SLC12A9: variants seen among roughly 807,000 people sequenced by gnomAD.
SLC12A9 encodes the protein solute carrier family 12 member 9, also known as CCC-interacting protein 1.
In SLC12A9, 55 loss-of-function variants were observed where a neutral mutation model predicts 66.0. The observed-to-expected ratio is 0.83, with a 90% CI of 0.67 to 1.04. The LOEUF is 1.04. Ranked by LOEUF, SLC12A9 falls within the 50% of genes least tolerant of loss-of-function variation. The pLI is 0.00. For synonymous variants in SLC12A9, 577 were observed against 569.0 expected (o/e 1.01, Z -0.20); for missense variants, 1,061 against 1,241.9 (o/e 0.85, Z 2.19).
Position 100,855,688 on chromosome 7 carries a change from C to A in SLC12A9, c.317-18C>A. 1 of 1,613,978 alleles carries A rather than the reference C, an allele frequency of 6.2e-7. No individual in the cohort carries two copies. The highest frequency in any genetic ancestry group is 8.5e-7 in the Non-Finnish European group (1 of 1,179,916). ...TTCAGTCTTTTCCCTTAATGCTCAC[C>A]CCTGCTTCCACTTTCAGTCATGATC... On this transcript the variant is annotated intron_variant, in intron 3 of 13. Transcript: ENST00000354161.
rs1049757452 is a variant in SLC12A9, at chr7:100,865,850, A to T, written c.1990A>T (p.Thr664Ser). The change falls in exon 14 of 14, where the codon ACC (threonine) becomes TCC (serine). Residue 664 changes from threonine to serine, a missense_variant. By Grantham distance (58) the Thr-to-Ser change is moderately conservative. Coordinates refer to ENST00000354161, the MANE Select transcript of SLC12A9 (RefSeq NM_020246.4). ...GGAGGGCAGTTCCCCAGCTCTGAGC[A>T]CCCTGTTCCCTCCTCCCCGGGCTCC... ...TREGSSPALSTLFPPPRAPGS... is the reference protein window; with the variant it reads ...TREGSSPALSSLFPPPRAPGS... 1 of 1,613,452 alleles carries T rather than the reference A, an allele frequency of 6.2e-7. No individual in the cohort carries two copies. The highest frequency in any genetic ancestry group is 8.5e-7 in the Non-Finnish European group (1 of 1,179,982).
At chr7:100,829,515 G>A (rs764731060) in intron 1 of SLC12A9, among the ~76,000 whole-genome samples, 3 of 151,938 alleles carry the variant, frequency 2.0e-5, no homozygotes, top group African/African-American at 4.8e-5. Context: ...GCCCGGGTTG[G>A]GGGGGGTGGG....
intron 1 of SLC12A9, among the ~76,000 whole-genome samples, chr7:100,843,969 C>T (rs971336140): frequency 6.6e-6 from 1 of 152,184 alleles, no homozygotes; most frequent in East Asian, 1.9e-4. Flanking sequence ...GAAGCAGCTT[C>T]GCCAGCCCCT....
rs761169314 is a variant in SLC12A9 at position 100,866,105 on chromosome 7, C to T, written c.2245C>T (p.Leu749=). The T allele has an allele frequency of 4.3e-6, 7 of 1,613,026 alleles. No individual in the cohort carries two copies. Among genetic ancestry groups the T allele is most frequent in the Non-Finnish European group, 5.1e-6 (6 of 1,179,862 alleles). The part of the protein sequence containing the change: ...GYVDVCGLFL[L]QMATILGMVP... ...TGTGGATGTCTGCGGCCTCTTCCTGCTGCAGATGGCAACCATCTTGGGCAT... is the reference window on the plus strand; with the variant it reads ...TGTGGATGTCTGCGGCCTCTTCCTGTTGCAGATGGCAACCATCTTGGGCAT... The change falls in exon 14 of 14, where the codon CTG becomes TTG. Residue 749 remains leucine, a synonymous_variant. Transcript: ENST00000354161. This position sits in a 1 kb window ranked among gnomAD's most constrained non-coding sequence, Gnocchi z 7.3.
chr7:100,833,850 G>A (rs1038649101), intron 1 of SLC12A9, among the ~76,000 whole-genome samples: 5 of 149,678 alleles, frequency 3.3e-5, no homozygotes, highest in South Asian at 2.1e-4. Flanking sequence ...GGAGAATGGC[G>A]GGAACCCGGG....
chr7:100,859,316 C>G lies in SLC12A9; in HGVS notation c.977+155C>G, dbSNP rs1584700986. Reference sequence around the variant, plus strand: ...TTGACAACCTATAGCCAGCAGCTGCCATGGACCCAGTACTGTTGCAGGCAC... The same window carrying G: ...TTGACAACCTATAGCCAGCAGCTGCGATGGACCCAGTACTGTTGCAGGCAC... On this transcript the variant is annotated intron_variant, in intron 7 of 13. Coordinates refer to ENST00000354161, the MANE Select transcript of SLC12A9 (RefSeq NM_020246.4). The G allele has an allele frequency of 4.3e-6, 3 of 689,878 alleles. No individual in the cohort carries two copies. In the East Asian group the frequency reaches 7.7e-5, roughly 18 times the overall value. The allele number at this position is 689,878 out of a possible 1,614,324, so 42.7% of individuals were successfully genotyped here. A position where few individuals can be genotyped will look rare whatever the true frequency, so the allele number is the denominator to read the frequency against.
intron 1 of SLC12A9, among the ~76,000 whole-genome samples, chr7:100,833,932 CAAAAAAAAAAAAAAAA>C (rs60667059): frequency 1.1e-4 from 7 of 63,070 alleles, no homozygotes; most frequent in East Asian, 2.6e-4. Context: ...GACTCTGTCT[CAAAAAAAAAAAAAAAA>C]AAAAAAAAAA....
chr7:100,845,239 C>G (rs893750902), intron 1 of SLC12A9, among the ~76,000 whole-genome samples: 2 of 150,578 alleles, frequency 1.3e-5, no homozygotes, highest in Non-Finnish European at 3.0e-5. Flanking sequence ...AGAATCCCAC[C>G]AGGACTGGAC....
At chr7:100,849,052 G>A (rs1467983780), upstream of SLC12A9, among the ~76,000 whole-genome samples, 2 of 150,066 alleles carry the variant, frequency 1.3e-5, no homozygotes, top group African/African-American at 4.9e-5. Context: ...TGAACCTCCC[G>A]AGTAGCTGGA....
intron 1 of SLC12A9, among the ~76,000 whole-genome samples, chr7:100,832,077 C>G (rs1813554369): frequency 2.0e-5 from 3 of 152,216 alleles, no homozygotes; most frequent in South Asian, 2.1e-4. Context: ...ACCTTAAAAA[C>G]TTAGCCAGGC....
At chr7:100,843,063 A>C (rs772023200) in intron 1 of SLC12A9, among the ~76,000 whole-genome samples, 2 of 152,264 alleles carry the variant, frequency 1.3e-5, no homozygotes, top group African/African-American at 4.8e-5. Flanking sequence ...CTTATTAATC[A>C]GTCAGCCCTT....
chr7:100,849,516 G>A (rs1273582550), upstream of SLC12A9, among the ~76,000 whole-genome samples: 1 of 151,852 alleles, frequency 6.6e-6, no homozygotes, highest in Admixed American at 6.6e-5. Context: ...AGCAGTTTGA[G>A]ACCAGCCTGG....
In SLC12A9 at chr7:100,855,719, C is replaced by T; in HGVS notation, c.330C>T (p.Arg110=). The change falls in exon 4 of 14, where the codon CGC becomes CGT. Residue 110 remains arginine (R), a synonymous_variant. Transcript: ENST00000354161. Reference sequence around the variant, plus strand: ...TTCCACTTTCAGTCATGATCAGCCGCACACTGGGGCCCGAGGTCGGGGGCA... The same window carrying T: ...TTCCACTTTCAGTCATGATCAGCCGTACACTGGGGCCCGAGGTCGGGGGCA... ...QGGGAYFMIS[R]TLGPEVGGSI... The T allele has an allele frequency of 6.2e-7, 1 of 1,614,156 alleles. No individual in the cohort carries two copies. The highest frequency in any genetic ancestry group is 8.5e-7 in the Non-Finnish European group (1 of 1,180,002).
chr7:100,859,749 C>A (rs1021849949), intron 7 of SLC12A9, 136 bp from the exon 8 acceptor site: 7 of 1,101,352 alleles, frequency 6.4e-6, no homozygotes, highest in Non-Finnish European at 2.6e-6. Flanking sequence ...GTGATTAAAT[C>A]CAAGGCTGCC....
At position 100,854,635 on chromosome 7, in the gene SLC12A9, A is replaced by G; in HGVS notation, c.197A>G (p.His66Arg). The stretch of plus-strand genomic sequence containing the variant: ...CCTGCCTCAGGGTTCGTGGTGGGTC[A>G]TGCTGGGCTACTGCAGGCCCTGGCC... The part of the protein sequence containing the change: ...VFLRIGFVVG[H>R]AGLLQALAML... Residue 66 changes from histidine (H) to arginine (R), a missense_variant, in exon 3 of 14, where the codon CAT becomes CGT. By Grantham distance (29) the His-to-Arg change is conservative. Coordinates refer to ENST00000354161, the MANE Select transcript of SLC12A9 (RefSeq NM_020246.4). The G allele has an allele frequency of 6.2e-7, 1 of 1,614,064 alleles. No individual in the cohort carries two copies. Among genetic ancestry groups the G allele is most frequent in the Non-Finnish European group, 8.5e-7 (1 of 1,179,998 alleles).
intron 1 of SLC12A9, among the ~76,000 whole-genome samples, chr7:100,844,497 T>C (rs763450842): frequency 5.3e-5 from 8 of 152,184 alleles, no homozygotes; most frequent in Non-Finnish European, 8.8e-5. Flanking sequence ...GAATAAGGTG[T>C]AGTTCTCTTA....
At chr7:100,853,111 T>G (rs7810952) in intron 1 of SLC12A9, among the ~76,000 whole-genome samples, 2,343 of 146,700 alleles carry the variant, frequency 0.016, 62 homozygotes, top group African/African-American at 0.056. Flanking sequence ...GGGTTTGAGA[T>G]GGGTTGAGGG....
chr7:100,865,563 T>C (rs1367703013), intron 13 of SLC12A9, 156 bp from the exon 14 acceptor site: 2 of 1,584,088 alleles, frequency 1.3e-6, no homozygotes, highest in African/African-American at 1.3e-5. Flanking sequence ...AAAGTCTTTA[T>C]GCAAATATGC....
At chr7:100,845,574 C>G (rs928256964) in intron 1 of SLC12A9, among the ~76,000 whole-genome samples, 1 of 152,166 alleles carries the variant, frequency 6.6e-6, no homozygotes, top group Non-Finnish European at 1.5e-5. Context: ...TGGTCTCGAT[C>G]TCCTGCCCTT....
Sources: allele counts gnomAD v4.1 joint callset (sites outside exome capture counted in the v4.1 genomes callset), GRCh38; gene constraint gnomAD v4.1.1; non-coding constraint Gnocchi (gnomAD v3.1); transcripts MANE v1.5; gene names NCBI Gene and HGNC (gene_info 2026-07-23, HGNC 2026-07-21).